The following SOX1 variants were observed in gnomAD, a reference collection of about 807,000 sequenced individuals.
SOX1 encodes the protein SRY-box transcription factor 1, also known as transcription factor SOX-1.
Under a neutral mutation model 0.9 loss-of-function variants are expected in SOX1, and 1 was observed. The observed-to-expected ratio is 1.07, with a 90% CI of 0.38 to 5.06. The LOEUF (loss-of-function observed/expected upper bound fraction) is 5.06. Ranked by LOEUF, SOX1 falls within the 30% of genes most tolerant of loss-of-function variation. The probability of loss-of-function intolerance (pLI) is 0.16; values close to 1 mark genes in which losing one functional copy is unlikely to be tolerated. For synonymous variants in SOX1, 397 were observed against 265.5 expected (o/e 1.50, Z -4.81); for missense variants, 564 against 534.4 (o/e 1.06, Z -0.55).
chr13:112,067,568 C>A lies in SOX1; in HGVS notation c.-91C>A, dbSNP rs552131875. 2 of 663,378 alleles carry A rather than the reference C, an allele frequency of 3.0e-6. No homozygotes were observed. Among genetic ancestry groups the A allele is most frequent in the Admixed American group, 1.0e-4 (2 of 19,070 alleles). 41.1% of individuals were successfully genotyped at this position (663,378 alleles called of 1,614,324 possible). ...GGACCCCCCCGCCCCCGTCTCACTC[C>A]GTCTGAATTCCTCTCCGTCTCCCTC... is the stretch of plus-strand genomic sequence containing the variant. On this transcript the variant is annotated 5_prime_UTR_variant, in exon 1 of 1. Coordinates refer to ENST00000330949, the MANE Select transcript of SOX1 (RefSeq NM_005986.3). The surrounding 1 kb of genome is among the most constrained non-coding windows in gnomAD (Gnocchi z 5.1).
In SOX1 at chr13:112,068,192, C is replaced by T; in HGVS notation, c.534C>T (p.Gly178=). 1.2e-6 allele frequency: 1 copy of T among 805,970 alleles called. No homozygotes were observed. Among genetic ancestry groups the T allele is most frequent in the Non-Finnish European group, 1.5e-6 (1 of 664,690 alleles). The allele number at this position is 805,970 out of a possible 1,614,324, so 49.9% of individuals were successfully genotyped here. A position where few individuals can be genotyped will look rare whatever the true frequency, so the allele number is the denominator to read the frequency against. Reference sequence around the variant, plus strand: ...TGGAGAGCCCAGGCGGCGCGGCGGGCGGCGGCTACGCGCACGTCAACGGCT... The same window carrying T: ...TGGAGAGCCCAGGCGGCGCGGCGGGTGGCGGCTACGCGCACGTCAACGGCT... ...QRLESPGGAA[G]GGYAHVNGWA... Residue 178 remains glycine (G), a synonymous_variant, in exon 1 of 1, where the codon GGC becomes GGT. Coordinates refer to ENST00000330949, the MANE Select transcript of SOX1 (RefSeq NM_005986.3). The surrounding 1 kb of genome is among the most constrained non-coding windows in gnomAD (Gnocchi z 6.9).
In SOX1 at chr13:112,070,935, G is replaced by C. The variant is rs987865313; in HGVS notation, c.*2101G>C. Among the ~76,000 whole-genome samples, 4 of 150,224 alleles carry C rather than the reference G, an allele frequency of 2.7e-5. No individual in the cohort carries two copies. Among genetic ancestry groups the C allele is most frequent in the African/African-American group, 7.5e-5 (3 of 40,160 alleles). ...CTTTCTGAAGCAGTTGTTTCTGGAA[G>C]AGTCTGTGCGCCCATGGATGGCTGA... On this transcript the variant is annotated 3_prime_UTR_variant, in exon 1 of 1. Transcript: ENST00000330949.
Position 112,068,613 on chromosome 13 carries a change from A to T in SOX1, c.955A>T (p.Lys319Ter). The T allele has an allele frequency of 8.8e-7, 1 of 1,131,486 alleles. No homozygotes were observed. The highest frequency in any genetic ancestry group is 1.1e-6 in the Non-Finnish European group (1 of 926,028). The allele number at this position is 1,131,486 out of a possible 1,614,324, so 70.1% of individuals were successfully genotyped here. Residue 319 changes from lysine (K) to a stop codon, truncating the protein, a stop_gained, in exon 1 of 1, where the codon AAG becomes TAG. Coordinates refer to ENST00000330949, the MANE Select transcript of SOX1 (RefSeq NM_005986.3). LOFTEE classifies it low-confidence loss of function (END_TRUNC). This position sits in a 1 kb window ranked among gnomAD's most constrained non-coding sequence, Gnocchi z 6.9. Reference protein sequence around the residue: ...GALGALGSLVKSEPSGSPPAP... With the variant: ...GALGALGSLV ...CCTGGGCGCGCTGGGCTCTCTGGTG[A>T]AGTCGGAGCCCAGCGGCAGCCCGCC...
chr13:112,068,725 C>T lies in SOX1; in HGVS notation c.1067C>T (p.Pro356Leu). ...MYLPAGEGGD[P>L]AAAAAAAAQS... The stretch of plus-strand genomic sequence containing the variant: ...TTGCCCGCCGGCGAGGGGGGCGACC[C>T]GGCGGCGGCAGCAGCGGCCGCGGCG... Residue 356 changes from proline to leucine, a missense_variant, in exon 1 of 1, where the codon CCG becomes CTG. By Grantham distance (98) the Pro-to-Leu change is moderately conservative. Transcript: ENST00000330949. The surrounding 1 kb of genome is among the most constrained non-coding windows in gnomAD (Gnocchi z 6.9). 1.7e-6 allele frequency: 2 copies of T among 1,186,202 alleles called. No individual in the cohort carries two copies. Among genetic ancestry groups the T allele is most frequent in the Non-Finnish European group, 1.0e-6 (1 of 959,166 alleles). 73.5% of individuals were successfully genotyped at this position (1,186,202 alleles called of 1,614,324 possible).
rs781273582 is a variant in SOX1, at chr13:112,068,087, G to C, written c.429G>C (p.Ala143=). ...DKYSLAGGLL[A]AGAGGGGAAV... ...ACTCGCTGGCCGGCGGGCTCCTGGC[G>C]GCCGGCGCGGGTGGCGGCGGCGCGG... Residue 143 remains alanine, a synonymous_variant, in exon 1 of 1, where the codon GCG becomes GCC. Coordinates refer to ENST00000330949, the MANE Select transcript of SOX1 (RefSeq NM_005986.3). The surrounding 1 kb of genome is among the most constrained non-coding windows in gnomAD (Gnocchi z 6.9). 10 of 1,549,200 alleles carry C rather than the reference G, an allele frequency of 6.5e-6. No individual in the cohort carries two copies. The highest frequency in any genetic ancestry group is 7.8e-6 in the Non-Finnish European group (9 of 1,147,138).
At position 112,067,892 on chromosome 13, in the gene SOX1, C is replaced by T; in HGVS notation, c.234C>T (p.Asn78=). Residue 78 remains asparagine (N), a synonymous_variant, in exon 1 of 1, where the codon AAC becomes AAT. Transcript: ENST00000330949. This position sits in a 1 kb window ranked among gnomAD's most constrained non-coding sequence, Gnocchi z 5.1. Reference sequence around the variant, plus strand: ...CCCAGGAGAACCCCAAGATGCACAACTCGGAGATCAGCAAGCGCCTGGGGG... The same window carrying T: ...CCCAGGAGAACCCCAAGATGCACAATTCGGAGATCAGCAAGCGCCTGGGGG... ...KMAQENPKMH[N]SEISKRLGAE... The T allele has an allele frequency of 6.2e-7, 1 of 1,608,304 alleles. No homozygotes were observed. The highest frequency in any genetic ancestry group is 8.5e-7 in the Non-Finnish European group (1 of 1,177,228).
At position 112,068,444 on chromosome 13, in the gene SOX1, G is replaced by A; in HGVS notation, c.786G>A (p.Ser262=). 4 of 1,241,368 alleles carry A rather than the reference G, an allele frequency of 3.2e-6. No homozygotes were observed. The highest frequency in any genetic ancestry group is 4.1e-6 in the Non-Finnish European group (4 of 969,884). 76.9% of individuals were successfully genotyped at this position (1,241,368 alleles called of 1,614,324 possible). Residue 262 remains serine, a synonymous_variant, in exon 1 of 1, where the codon TCG becomes TCA. Transcript: ENST00000330949. This position sits in a 1 kb window ranked among gnomAD's most constrained non-coding sequence, Gnocchi z 6.9. ...TGCAGTACAGCCCCATCTCCAACTC[G>A]CAGGGCTACATGAGCGCGTCGCCCT... The part of the protein sequence containing the change: ...GALQYSPISN[S]QGYMSASPSG...
rs944152450 is a variant in SOX1, at chr13:112,067,442, G to C, written c.-217G>C. 6.6e-5 allele frequency among the ~76,000 whole-genome samples: 10 copies of C among 152,154 alleles called. No homozygotes were observed. Among genetic ancestry groups the C allele is most frequent in the Non-Finnish European group, 1.5e-5 (1 of 68,018 alleles). ...CTTTGGCAAGTGGTTTGTGCATCAGGAGAAACTTTCCACCTGCGAGCCGAA... is the reference window on the plus strand; with the variant it reads ...CTTTGGCAAGTGGTTTGTGCATCAGCAGAAACTTTCCACCTGCGAGCCGAA... On this transcript the variant is annotated 5_prime_UTR_variant, in exon 1 of 1. Coordinates refer to ENST00000330949, the MANE Select transcript of SOX1 (RefSeq NM_005986.3). The surrounding 1 kb of genome is among the most constrained non-coding windows in gnomAD (Gnocchi z 5.1).
rs1194760566 is a variant in SOX1 at position 112,069,365 on chromosome 13, G to A, written c.*531G>A. The A allele has an allele frequency of 6.0e-6, 1 of 167,054 alleles. No homozygotes were observed. Among genetic ancestry groups the A allele is most frequent in the African/African-American group, 2.4e-5 (1 of 41,440 alleles). 10.3% of individuals were successfully genotyped at this position (167,054 alleles called of 1,614,324 possible). On this transcript the variant is annotated 3_prime_UTR_variant, in exon 1 of 1. Coordinates refer to ENST00000330949, the MANE Select transcript of SOX1 (RefSeq NM_005986.3). ...GTTGGTTTGTTAATTTATACAAAGA[G>A]ATTACCACCACCACCCCCTCCTTCA...
rs1300302493 is a variant in SOX1, at chr13:112,069,328, C to G, written c.*494C>G. 3 of 167,102 alleles carry G rather than the reference C, an allele frequency of 1.8e-5. No homozygotes were observed. Among genetic ancestry groups the G allele is most frequent in the African/African-American group, 7.2e-5 (3 of 41,464 alleles). The allele number at this position is 167,102 out of a possible 1,614,324, so 10.4% of individuals were successfully genotyped here. A position where few individuals can be genotyped will look rare whatever the true frequency, so the allele number is the denominator to read the frequency against. ...ACTTACAAGTTTTTTGTAGTTGTTA[C>G]CGCTCTTTTGGGTTGGTTTGTTAAT... On this transcript the variant is annotated 3_prime_UTR_variant, in exon 1 of 1. Coordinates refer to ENST00000330949, the MANE Select transcript of SOX1 (RefSeq NM_005986.3).
rs2138620481 is a variant in SOX1 at position 112,071,452 on chromosome 13, TA to T, written c.*2623del. 6.6e-6 allele frequency among the ~76,000 whole-genome samples: 1 copy of T among 152,298 alleles called. No homozygotes were observed. The highest frequency in any genetic ancestry group is 6.5e-5 in the Admixed American group (1 of 15,304). ...AATATAAATTTTTAATGACTCCATT[TA>T]AAAATATCACAGGGTGGGGGCAAGG... On this transcript the variant is annotated 3_prime_UTR_variant, in exon 1 of 1. Transcript: ENST00000330949.
Position 112,068,259 on chromosome 13 carries a change from G to C in SOX1, c.601G>C (p.Ala201Pro). Residue 201 changes from alanine (A) to proline (P), a missense_variant, in exon 1 of 1, where the codon GCG becomes CCG. Ala to Pro is a conservative substitution (Grantham distance 27, BLOSUM62 -1). Coordinates refer to ENST00000330949, the MANE Select transcript of SOX1 (RefSeq NM_005986.3). The surrounding 1 kb of genome is among the most constrained non-coding windows in gnomAD (Gnocchi z 6.9). ...AYPGSVAAAA[A>P]AAAMMQEAQL... ...CCCCGGCTCGGTGGCGGCGGCGGCG[G>C]CGGCCGCGGCCATGATGCAGGAGGC... 1 of 790,242 alleles carries C rather than the reference G, an allele frequency of 1.3e-6. No homozygotes were observed. The highest frequency in any genetic ancestry group is 1.5e-6 in the Non-Finnish European group (1 of 646,832). 49.0% of individuals were successfully genotyped at this position (790,242 alleles called of 1,614,324 possible).
In SOX1 at chr13:112,070,865, C is replaced by T. The variant is rs200071648; in HGVS notation, c.*2031C>T. 6.6e-6 allele frequency among the ~76,000 whole-genome samples: 1 copy of T among 150,636 alleles called. No individual in the cohort carries two copies. Among genetic ancestry groups the T allele is most frequent in the Non-Finnish European group, 1.5e-5 (1 of 67,856 alleles). On this transcript the variant is annotated 3_prime_UTR_variant, in exon 1 of 1. Transcript: ENST00000330949. ...TTCTAACAAGATAATAAACCCCCCC[C>T]CTCTTTTCTTTTTCTTTATTTTTAT...
Position 112,070,678 on chromosome 13 carries a change from A to C in SOX1, c.*1844A>C, listed in dbSNP as rs1875839880. On this transcript the variant is annotated 3_prime_UTR_variant, in exon 1 of 1. Transcript: ENST00000330949. ...CGTCCAAAAGTGAGCCTATGCTATA[A>C]GTTTAATGAGAACCGAATTCAGCCT... is the stretch of plus-strand genomic sequence containing the variant. Among the ~76,000 whole-genome samples, 1 of 152,216 alleles carries C rather than the reference A, an allele frequency of 6.6e-6. No individual in the cohort carries two copies. Among genetic ancestry groups the C allele is most frequent in the South Asian group, 2.1e-4 (1 of 4,834 alleles).
rs1296041278 is a variant in SOX1, at chr13:112,071,301, G to A, written c.*2467G>A. 2.0e-5 allele frequency among the ~76,000 whole-genome samples: 3 copies of A among 152,366 alleles called. No homozygotes were observed. Among genetic ancestry groups the A allele is most frequent in the Middle Eastern group, 6.8e-3 (2 of 294 alleles). ...TTAGTGCGCCCGGGACGCCAGGCAA[G>A]CAGCTTTTACAGTTTGGCATCTTAT... On this transcript the variant is annotated 3_prime_UTR_variant, in exon 1 of 1. Transcript: ENST00000330949.
Position 112,068,813 on chromosome 13 carries a change from G to A in SOX1, c.1155G>A (p.Thr385=), listed in dbSNP as rs187800294. The A allele has an allele frequency of 1.3e-3, 1,601 of 1,219,162 alleles. 19 individuals carry two copies. In the African/African-American group the frequency reaches 0.021, roughly 16 times the overall value. 75.5% of individuals were successfully genotyped at this position (1,219,162 alleles called of 1,614,324 possible). A position where few individuals can be genotyped will look rare whatever the true frequency, so the allele number is the denominator to read the frequency against. The change falls in exon 1 of 1, where the codon ACG becomes ACA. Residue 385 remains threonine, a synonymous_variant. Coordinates refer to ENST00000330949, the MANE Select transcript of SOX1 (RefSeq NM_005986.3). The surrounding 1 kb of genome is among the most constrained non-coding windows in gnomAD (Gnocchi z 6.9). The part of the protein sequence containing the change: ...YQGAGAGVNG[T]VPLTHI The stretch of plus-strand genomic sequence containing the variant: ...GCGCGGGCGCGGGCGTGAACGGCAC[G>A]GTGCCCCTGACGCACATCTAGCGCC...
Position 112,068,121 on chromosome 13 carries a change from ATGGGCGTGGGCGTGGGCG to A in SOX1, c.470_487del (p.Val157_Gly162del). ...GGGTGGCGGCGGCGCGGCTGTGGCC[ATGGGCGTGGGCGTGGGCG>A]TGGGCGCGGCGGCCGTGGGCCAGCG... On this transcript the variant is annotated inframe_deletion, in exon 1 of 1. Coordinates refer to ENST00000330949, the MANE Select transcript of SOX1 (RefSeq NM_005986.3). This position sits in a 1 kb window ranked among gnomAD's most constrained non-coding sequence, Gnocchi z 6.9. 7.7e-7 allele frequency: 1 copy of A among 1,297,328 alleles called. No homozygotes were observed. Among genetic ancestry groups the A allele is most frequent in the Non-Finnish European group, 9.9e-7 (1 of 1,010,986 alleles). 80.4% of individuals were successfully genotyped at this position (1,297,328 alleles called of 1,614,324 possible).
rs1301479052 is a variant in SOX1 at position 112,070,879 on chromosome 13, CTTTATT to C, written c.*2053_*2058del. On this transcript the variant is annotated 3_prime_UTR_variant, in exon 1 of 1. Transcript: ENST00000330949. ...TAAACCCCCCCCCTCTTTTCTTTTT[CTTTATT>C]TTTATTTCTTTTAGCTATTTGATCC... Among the ~76,000 whole-genome samples, 1 of 137,828 alleles carries C rather than the reference CTTTATT, an allele frequency of 7.3e-6. No homozygotes were observed. Among genetic ancestry groups the C allele is most frequent in the Non-Finnish European group, 1.5e-5 (1 of 65,018 alleles). The allele number at this position is 137,828 out of a possible 152,430, so 90.4% of individuals were successfully genotyped here.
Position 112,068,773 on chromosome 13 carries a change from C to T in SOX1, c.1115C>T (p.Pro372Leu). The change falls in exon 1 of 1, where the codon CCG becomes CTG. Residue 372 changes from proline to leucine, a missense_variant. By Grantham distance (98) the Pro-to-Leu change is moderately conservative. Transcript: ENST00000330949. This position sits in a 1 kb window ranked among gnomAD's most constrained non-coding sequence, Gnocchi z 6.9. The stretch of plus-strand genomic sequence containing the variant: ...GCGCAGAGCCGGCTGCACTCGCTGC[C>T]GCAGCACTACCAGGGCGCGGGCGCG... ...AAAQSRLHSL[P>L]QHYQGAGAGV... The T allele has an allele frequency of 8.2e-7, 1 of 1,215,978 alleles. No individual in the cohort carries two copies. Among genetic ancestry groups the T allele is most frequent in the Non-Finnish European group, 1.0e-6 (1 of 978,382 alleles). The allele number at this position is 1,215,978 out of a possible 1,614,324, so 75.3% of individuals were successfully genotyped here.
Sources: allele counts gnomAD v4.1 joint callset (sites outside exome capture counted in the v4.1 genomes callset), GRCh38; gene constraint gnomAD v4.1.1; non-coding constraint Gnocchi (gnomAD v3.1); transcripts MANE v1.5; gene names NCBI Gene and HGNC (gene_info 2026-07-23, HGNC 2026-07-21).